The following LRTM1 variants were observed in gnomAD, a reference collection of about 807,000 sequenced individuals.
The protein encoded by LRTM1 is leucine-rich repeat and transmembrane domain-containing protein 1.
LRTM1 carries 38 observed loss-of-function variants against 32.4 expected under a neutral mutation model. The observed-to-expected ratio is 1.17, with a 90% CI of 0.91 to 1.54. LRTM1 has a LOEUF of 1.54. LRTM1 is among the 40% of genes most tolerant of loss of function. The pLI is 0.00. For synonymous variants in LRTM1, 186 were observed against 169.9 expected (o/e 1.09, Z -0.74); for missense variants, 466 against 415.4 (o/e 1.12, Z -1.06).
intron 1 of LRTM1, among the ~76,000 whole-genome samples, chr3:54,934,585 A>G (rs1701283192): frequency 6.6e-6 from 1 of 152,168 alleles, no homozygotes; most frequent in Admixed American, 6.5e-5. Context: ...CCCTAAAGCT[A>G]AGGAAGACAG....
intron 1 of LRTM1, among the ~76,000 whole-genome samples, chr3:54,962,603 G>C (rs1044318750): frequency 2.6e-5 from 4 of 152,174 alleles, no homozygotes; most frequent in Non-Finnish European, 4.4e-5. Context: ...TCTATTGGTG[G>C]AGACAGAGAG....
At chr3:54,960,460 A>G (rs1468245147) in intron 1 of LRTM1, among the ~76,000 whole-genome samples, 1 of 152,196 alleles carries the variant, frequency 6.6e-6, no homozygotes, top group East Asian at 1.9e-4. Flanking sequence ...AGGCTAAAAT[A>G]TGAGGTGTTT....
At chr3:54,932,470 A>C (rs1701213115), upstream of LRTM1, among the ~76,000 whole-genome samples, 1 of 152,190 alleles carries the variant, frequency 6.6e-6, no homozygotes, top group African/African-American at 2.4e-5. Context: ...TTCTGCTTAT[A>C]CTTCTGTATA....
At chr3:54,918,996 T>A in intron 2 of LRTM1, 104 bp from the exon 3 acceptor site, 5 of 70,150 alleles carry the variant, frequency 7.1e-5, no homozygotes, top group Non-Finnish European at 9.4e-5. Flanking sequence ...ATGAAGTACC[T>A]TTTTTTTTTT....
intron 1 of LRTM1, among the ~76,000 whole-genome samples, chr3:54,948,556 G>A (rs1363682569): frequency 1.3e-5 from 2 of 152,116 alleles, no homozygotes; most frequent in Non-Finnish European, 2.9e-5. Context: ...CAGCTAACTC[G>A]GTACAACTGG....
At chr3:54,951,982 G>A (rs188113365) in intron 1 of LRTM1, among the ~76,000 whole-genome samples, 11 of 152,230 alleles carry the variant, frequency 7.2e-5, no homozygotes, top group African/African-American at 1.4e-4. Context: ...CCAAGTAGCC[G>A]GGACTACAGG....
At position 54,924,847 on chromosome 3, in the gene LRTM1, C is replaced by T; in HGVS notation, c.376G>A (p.Glu126Lys). ...RLFHSLPQLR[E>K]LDLSSNNISH... is the part of the protein sequence containing the mutation. ...ATGTTGTTTGATGACAAATCAAGCTCCCTCAGCTGAGGGAGGGAATGGAAA... is the reference window on the plus strand; with the variant it reads ...ATGTTGTTTGATGACAAATCAAGCTTCCTCAGCTGAGGGAGGGAATGGAAA... Residue 126 changes from glutamate (E) to lysine (K), a missense_variant, in exon 2 of 3, where the codon GAG becomes AAG. By Grantham distance (56) the Glu-to-Lys change is moderately conservative (BLOSUM62 1). Transcript: ENST00000273286. 6.2e-7 allele frequency: 1 copy of T among 1,613,832 alleles called. No homozygotes were observed. Among genetic ancestry groups the T allele is most frequent in the South Asian group, 1.1e-5 (1 of 91,050 alleles).
chr3:54,918,542 G>A lies in LRTM1; in HGVS notation c.955C>T (p.Gln319Ter). The part of the protein sequence containing the change: ...YGCTYAAITA[Q>*]YHGGPLAQTN... ...TGAGCCAAGGGTCCCCCATGGTACTGGGCTGTGATTGCCGCATAGGTGCAG... is the reference window on the plus strand; with the variant it reads ...TGAGCCAAGGGTCCCCCATGGTACTAGGCTGTGATTGCCGCATAGGTGCAG... Residue 319 changes from glutamine (Q) to a stop codon, truncating the protein, a stop_gained, in exon 3 of 3, where the codon CAG becomes TAG. Coordinates refer to ENST00000273286, the MANE Select transcript of LRTM1 (RefSeq NM_020678.4). LOFTEE classifies it high-confidence loss of function. 1.2e-6 allele frequency: 2 copies of A among 1,613,938 alleles called. No homozygotes were observed. Among genetic ancestry groups the A allele is most frequent in the African/African-American group, 2.7e-5 (2 of 74,956 alleles).
chr3:54,927,539 G>C (rs545794329), intron 1 of LRTM1, among the ~76,000 whole-genome samples: 130 of 152,116 alleles, frequency 8.5e-4, no homozygotes, highest in Middle Eastern at 3.2e-3. Context: ...AGAATCCACT[G>C]ATCTATTAAT....
chr3:54,962,460 C>G (rs1702052632), intron 1 of LRTM1, among the ~76,000 whole-genome samples: 1 of 152,152 alleles, frequency 6.6e-6, no homozygotes, highest in Non-Finnish European at 1.5e-5. Flanking sequence ...AATAAAAGCT[C>G]TAGGAGCAAG....
At chr3:54,952,589 G>T (rs1321251074) in intron 1 of LRTM1, among the ~76,000 whole-genome samples, 1 of 152,134 alleles carries the variant, frequency 6.6e-6, no homozygotes, top group Non-Finnish European at 1.5e-5. Context: ...CATATTTTTT[G>T]AAGTAATTTT....
chr3:54,925,188 A>G lies in LRTM1; in HGVS notation c.35T>C (p.Ile12Thr), dbSNP rs1205816485. The G allele has an allele frequency of 1.9e-6, 3 of 1,612,904 alleles. No individual in the cohort carries two copies. The highest frequency in any genetic ancestry group is 1.7e-5 in the Admixed American group (1 of 59,998). Reference protein sequence around the residue: ...KGELLLFSSVIVLLQVVCSCP... With the variant: ...KGELLLFSSVTVLLQVVCSCP... The stretch of plus-strand genomic sequence containing the variant: ...GCTGCATACCACCTGGAGCAGGACA[A>G]TCACACTGGAAAACAGGAGCAGTTC... Residue 12 changes from isoleucine to threonine, a missense_variant, in exon 2 of 3, where the codon ATT becomes ACT. Ile to Thr is a moderately conservative substitution (Grantham distance 89, BLOSUM62 -1). Transcript: ENST00000273286.
intron 1 of LRTM1, among the ~76,000 whole-genome samples, chr3:54,933,641 G>A (rs1370776710): frequency 6.6e-6 from 1 of 152,112 alleles, no homozygotes; most frequent in Non-Finnish European, 1.5e-5. Flanking sequence ...TCACTTTAAA[G>A]TGACAACAAC....
chr3:54,963,589 T>G (rs1297849876), intron 1 of LRTM1, among the ~76,000 whole-genome samples: 1 of 152,196 alleles, frequency 6.6e-6, no homozygotes, highest in Non-Finnish European at 1.5e-5. Context: ...ATCAGAGCAT[T>G]CAAGGTCAGC....
At chr3:54,953,697 T>G (rs1403855152) in intron 1 of LRTM1, among the ~76,000 whole-genome samples, 1 of 152,230 alleles carries the variant, frequency 6.6e-6, no homozygotes, top group Non-Finnish European at 1.5e-5. Context: ...TTGTGCTGGT[T>G]GTTTCCCCCT....
At chr3:54,956,524 T>A (rs7641412) in intron 1 of LRTM1, among the ~76,000 whole-genome samples, 2,160 of 152,318 alleles carry the variant, frequency 0.014, 49 homozygotes, top group African/African-American at 0.049. Context: ...TCAAACTCGT[T>A]ACCAACCTAG....
At chr3:54,919,505 G>A (rs774296963) in intron 2 of LRTM1, among the ~76,000 whole-genome samples, 3 of 152,068 alleles carry the variant, frequency 2.0e-5, no homozygotes, top group Non-Finnish European at 4.4e-5. Context: ...GAACATTTAC[G>A]GCTTTGAATA....
At chr3:54,927,835 T>C (rs1701068416) in intron 1 of LRTM1, 70 bp downstream of exon 1, 2 of 1,517,206 alleles carry the variant, frequency 1.3e-6, no homozygotes, top group Admixed American at 1.7e-5. Context: ...TTCCCGCAGA[T>C]ACCTTTGTGA....
chr3:54,923,648 G>T (rs2106937058), intron 2 of LRTM1, among the ~76,000 whole-genome samples: 1 of 152,286 alleles, frequency 6.6e-6, no homozygotes, highest in East Asian at 1.9e-4. Context: ...GCATACAAAA[G>T]GCACTCAAAT....
Sources: allele counts gnomAD v4.1 joint callset (sites outside exome capture counted in the v4.1 genomes callset), GRCh38; gene constraint gnomAD v4.1.1; transcripts MANE v1.5; gene names NCBI Gene and HGNC (gene_info 2026-07-23, HGNC 2026-07-21).